The following ADGRL3 variants were observed in gnomAD, a reference collection of about 807,000 sequenced individuals.
ADGRL3 encodes adhesion G protein-coupled receptor L3, also known as calcium-independent alpha-latrotoxin receptor 3.
In ADGRL3, 62 loss-of-function variants were observed where a neutral mutation model predicts 153.5. The observed-to-expected ratio is 0.40, with a 90% confidence interval of 0.33 to 0.50. The LOEUF is 0.50. Among genes scored for constraint, ADGRL3 ranks in the 20% least tolerant of loss-of-function variants. The probability of loss-of-function intolerance (pLI) is 0.47; values close to 1 mark genes in which losing one functional copy is unlikely to be tolerated. For missense variants in ADGRL3, 1,641 were observed against 1,859.4 expected (o/e 0.88, Z 2.16); for synonymous variants, 710 against 672.5 (o/e 1.06, Z -0.86).
intron 1 of ADGRL3, among the ~76,000 whole-genome samples, chr4:61,360,333 G>T (rs994957437): frequency 5.3e-5 from 8 of 152,216 alleles, no homozygotes; most frequent in Middle Eastern, 3.4e-3. Flanking sequence ...CATTAGAAAA[G>T]ATGATATATG....
At chr4:61,502,401 G>A (rs886243872) in intron 3 of ADGRL3, among the ~76,000 whole-genome samples, 2 of 151,868 alleles carry the variant, frequency 1.3e-5, no homozygotes, top group Non-Finnish European at 2.9e-5. Context: ...TAGGAATAAC[G>A]GCGAGCGGTA....
In ADGRL3 at chr4:61,375,319, G is replaced by A. The variant is rs560718968; in HGVS notation, c.-239-7805G>A. 3.3e-5 allele frequency among the ~76,000 whole-genome samples: 5 copies of A among 152,190 alleles called. No homozygotes were observed. In the East Asian group the frequency reaches 5.8e-4, roughly 18 times the overall value. ...GTACAGTTTTGTGAACTAAAAACTG[G>A]AGGGTTAAAGACAGGATAAATAAAT... On this transcript the variant is annotated intron_variant, in intron 1 of 26. Coordinates refer to ENST00000683033, the MANE Select transcript of ADGRL3 (RefSeq NM_001387552.1).
chr4:61,480,594 G>T (rs1007306782), intron 2 of ADGRL3, among the ~76,000 whole-genome samples: 1 of 14,986 alleles, frequency 6.7e-5, no homozygotes, highest in Non-Finnish European at 5.6e-3. Context: ...GACCAGCCTG[G>T]ACAATATGTG....
At chr4:61,536,511 A>G (rs1391806755) in intron 4 of ADGRL3, among the ~76,000 whole-genome samples, 2 of 152,012 alleles carry the variant, frequency 1.3e-5, no homozygotes, top group African/African-American at 2.4e-5. Flanking sequence ...ATGGATGTCT[A>G]TCTCTTTTGC....
chr4:61,481,197 CT>C (rs2152735436), intron 2 of ADGRL3, among the ~76,000 whole-genome samples: 1 of 152,284 alleles, frequency 6.6e-6, no homozygotes, highest in East Asian at 1.9e-4. Flanking sequence ...TCATGCATTT[CT>C]TCATTCTTGC....
intron 7 of ADGRL3, among the ~76,000 whole-genome samples, chr4:61,731,553 C>T (rs1431028671): frequency 3.3e-5 from 5 of 152,004 alleles, no homozygotes; most frequent in African/African-American, 1.2e-4. Flanking sequence ...ATGGTAGGTT[C>T]AGCGGAATTC....
chr4:61,848,125 G>A (rs1325312288), intron 9 of ADGRL3, among the ~76,000 whole-genome samples: 1 of 114,352 alleles, frequency 8.7e-6, no homozygotes, highest in Non-Finnish European at 1.7e-5. Flanking sequence ...TATTAGAGGA[G>A]CAGACTTTTA....
chr4:61,704,710 A>G (rs890036279), intron 6 of ADGRL3, among the ~76,000 whole-genome samples: 3 of 152,238 alleles, frequency 2.0e-5, no homozygotes, highest in South Asian at 4.1e-4. Flanking sequence ...AACTTGTTTT[A>G]AAATTGAAGT....
At chr4:61,847,334 G>T (rs973141904) in intron 9 of ADGRL3, among the ~76,000 whole-genome samples, 3 of 150,862 alleles carry the variant, frequency 2.0e-5, no homozygotes, top group Non-Finnish European at 4.4e-5. Flanking sequence ...ACTGACAATT[G>T]CCCTGCAGAA....
chr4:61,240,559 AT>A (rs1754520273), intron 1 of ADGRL3, among the ~76,000 whole-genome samples: 4 of 152,068 alleles, frequency 2.6e-5, no homozygotes, highest in Admixed American at 1.3e-4. Flanking sequence ...TTTATCTGTA[AT>A]TTTTAACTCT....
intron 1 of ADGRL3, among the ~76,000 whole-genome samples, chr4:61,368,475 T>C (rs903756781): frequency 4.6e-5 from 7 of 152,222 alleles, no homozygotes; most frequent in Non-Finnish European, 8.8e-5. Flanking sequence ...GCACCATTTA[T>C]TAAATGGGGA....
At chr4:61,334,074 G>C (rs531443327) in intron 1 of ADGRL3, among the ~76,000 whole-genome samples, 129 of 151,350 alleles carry the variant, frequency 8.5e-4, no homozygotes, top group African/African-American at 3.1e-3. Context: ...GCACCACTAC[G>C]CTTGGGTAAT....
chr4:61,388,414 C>T (rs1324370510), intron 2 of ADGRL3, among the ~76,000 whole-genome samples: 1 of 152,180 alleles, frequency 6.6e-6, no homozygotes, highest in Non-Finnish European at 1.5e-5. Context: ...TATTTAAACA[C>T]ACAGGGTGAA....
At chr4:61,970,765 A>G (rs2099024117) in intron 17 of ADGRL3, among the ~76,000 whole-genome samples, 1 of 152,154 alleles carries the variant, frequency 6.6e-6, no homozygotes, top group South Asian at 2.1e-4. Flanking sequence ...ATATAATAAT[A>G]TTGTCCTTCT....
chr4:61,443,155 C>A (rs909043814), intron 2 of ADGRL3, among the ~76,000 whole-genome samples: 4 of 152,202 alleles, frequency 2.6e-5, no homozygotes, highest in Non-Finnish European at 5.9e-5. Context: ...CAACTAACGG[C>A]CATTTAGTCC....
chr4:61,333,679 C>T (rs1157210161), intron 1 of ADGRL3, among the ~76,000 whole-genome samples: 1 of 152,000 alleles, frequency 6.6e-6, no homozygotes. Flanking sequence ...TGCATGCAGC[C>T]TTGAGCTCCT....
intron 8 of ADGRL3, among the ~76,000 whole-genome samples, chr4:61,797,844 A>G (rs1405567034): frequency 6.6e-6 from 1 of 152,174 alleles, no homozygotes; most frequent in Non-Finnish European, 1.5e-5. Context: ...GTCATTATCA[A>G]TGTTAAATAA....
chr4:61,627,966 C>A (rs2092931954), intron 5 of ADGRL3, among the ~76,000 whole-genome samples: 1 of 152,062 alleles, frequency 6.6e-6, no homozygotes, highest in South Asian at 2.1e-4. Flanking sequence ...AGGCAGGGAG[C>A]AAACCTCAAT....
chr4:61,373,509 T>A (rs192688463), intron 1 of ADGRL3, among the ~76,000 whole-genome samples: 4 of 152,326 alleles, frequency 2.6e-5, no homozygotes, highest in African/African-American at 9.6e-5. Flanking sequence ...AAAATTTTTG[T>A]TATTAGCATT....
Sources: gnomAD v4.1 joint callset for allele counts (sites outside exome capture counted in the v4.1 genomes callset) on GRCh38, gnomAD v4.1.1 for gene constraint, MANE v1.5 for transcripts, NCBI Gene and HGNC (gene_info 2026-07-23, HGNC 2026-07-21) for gene names.